Variants in FAM81A observed in about 807,000 individuals in gnomAD.
FAM81A encodes the protein family with sequence similarity 81 member A, also known as protein FAM81A.
Under a neutral mutation model 46.7 loss-of-function variants are expected in FAM81A, and 19 were observed. The observed-to-expected ratio is 0.41, with a 90% CI of 0.28 to 0.60. The LOEUF (loss-of-function observed/expected upper bound fraction) is 0.60, where lower values mean the gene tolerates loss of function less well. Among genes scored for constraint, FAM81A ranks in the 20% least tolerant of loss-of-function variants. The pLI, the probability that FAM81A is intolerant of heterozygous loss-of-function variation, is 0.34. For missense variants in FAM81A, 377 were observed against 453.5 expected, an observed-to-expected ratio of 0.83 and a Z score of 1.53; for synonymous variants, 183 against 152.9, an observed-to-expected ratio of 1.20 and a Z score of -1.45.
chr15:59,485,841 C>T (rs2081911245), intron 3 of FAM81A, among the ~76,000 whole-genome samples: 1 of 152,112 alleles, frequency 6.6e-6, no homozygotes, highest in South Asian at 2.1e-4. Flanking sequence ...CAAGATAACA[C>T]CGAGAAGGAA....
chr15:59,440,430 A>G (rs75203474), intron 1 of FAM81A, among the ~76,000 whole-genome samples: 1 of 152,132 alleles, frequency 6.6e-6, no homozygotes, highest in East Asian at 1.9e-4. Flanking sequence ...TTGATGCCCC[A>G]AAAAAGGGAT....
intron 1 of FAM81A, among the ~76,000 whole-genome samples, chr15:59,452,166 G>T (rs2141617364): frequency 6.6e-6 from 1 of 152,294 alleles, no homozygotes; most frequent in Admixed American, 6.5e-5. Flanking sequence ...CTTGAATTTT[G>T]CAGTGTTCCC....
intron 1 of FAM81A, chr15:59,444,427 G>A (rs536004671): frequency 5.3e-4 from 80 of 152,246 alleles, no homozygotes; most frequent in African/African-American, 1.9e-3. Context: ...AACGTCGTGT[G>A]TATGTGTCAA....
chr15:59,430,249 T>G (rs1323871323), intron 2 of FAM81A, among the ~76,000 whole-genome samples: 1 of 143,966 alleles, frequency 6.9e-6, no homozygotes, highest in African/African-American at 2.5e-5. Flanking sequence ...CACAGACCTA[T>G]TTCCCTTTTT....
At chr15:59,422,813 A>G (rs1190961319) in intron 2 of FAM81A, among the ~76,000 whole-genome samples, 1 of 152,234 alleles carries the variant, frequency 6.6e-6, no homozygotes, top group Non-Finnish European at 1.5e-5. Context: ...ACATAGTTAA[A>G]TGAAATCTGC....
chr15:59,496,613 A>G (rs1454377305), intron 4 of FAM81A, among the ~76,000 whole-genome samples: 5 of 152,114 alleles, frequency 3.3e-5, no homozygotes, highest in African/African-American at 1.2e-4. Context: ...TCAAAAAAAA[A>G]AGAAAGAAAA....
chr15:59,511,610 C>G (rs1007975136), intron 6 of FAM81A, among the ~76,000 whole-genome samples: 8 of 152,062 alleles, frequency 5.3e-5, no homozygotes, highest in Non-Finnish European at 1.0e-4. Flanking sequence ...AAATGTGAAC[C>G]AGGAGCTATG....
intron 1 of FAM81A, among the ~76,000 whole-genome samples, chr15:59,449,781 CAAAAAAAAAAAA>C (rs71119473): frequency 5.7e-5 from 4 of 70,314 alleles, no homozygotes; most frequent in Admixed American, 1.7e-4. Context: ...GACTCTGTCT[CAAAAAAAAAAAA>C]AAAAAAAAAA....
intron 6 of FAM81A, among the ~76,000 whole-genome samples, chr15:59,510,513 G>GCTGATTT (rs2082195250): frequency 6.6e-6 from 1 of 151,642 alleles, no homozygotes; most frequent in Non-Finnish European, 1.5e-5. Flanking sequence ...TTAGACCAAT[G>GCTGATTT]CTGATTTCTC....
At chr15:59,409,441 TG>T (rs2081111011) in intron 2 of FAM81A, among the ~76,000 whole-genome samples, 1 of 151,978 alleles carries the variant, frequency 6.6e-6, no homozygotes, top group African/African-American at 2.4e-5. Context: ...CATGACCATG[TG>T]GTTCATTCCA....
chr15:59,454,837 T>G (rs1401711568), intron 1 of FAM81A, among the ~76,000 whole-genome samples: 1 of 151,886 alleles, frequency 6.6e-6, no homozygotes, highest in Non-Finnish European at 1.5e-5. Context: ...GGGTTTTGCT[T>G]TGTTGCCCAG....
upstream of FAM81A, among the ~76,000 whole-genome samples, chr15:59,435,836 C>T (rs1169087060): frequency 6.6e-6 from 1 of 152,174 alleles, no homozygotes; most frequent in Admixed American, 6.5e-5. Context: ...TCTCCATCTC[C>T]TGTAATGAGT....
intron 3 of FAM81A, among the ~76,000 whole-genome samples, chr15:59,475,731 A>G (rs938903114): frequency 6.6e-6 from 1 of 152,202 alleles, no homozygotes; most frequent in East Asian, 1.9e-4. Context: ...ACTATATATA[A>G]TGACAAAGTA....
chr15:59,451,578 G>A (rs927392607), intron 1 of FAM81A, among the ~76,000 whole-genome samples: 3 of 151,916 alleles, frequency 2.0e-5, no homozygotes, highest in Non-Finnish European at 2.9e-5. Flanking sequence ...TGAGCCTTCC[G>A]AGTAGCTGCG....
Position 59,415,781 on chromosome 15 carries a change from G to A in FAM81A, c.-78+13423G>A, listed in dbSNP as rs533409452. The stretch of plus-strand genomic sequence containing the variant: ...CAGCAAAAAGAATAATACAGAGGCT[G>A]AGAGGAGTTAGCTGCTCTTGAGTGA... On this transcript the variant is annotated intron_variant, in intron 2 of 4. Transcript: ENST00000558348. Among the ~76,000 whole-genome samples, 93 of 152,312 alleles carry A rather than the reference G, an allele frequency of 6.1e-4. 4 individuals are homozygous for A. In the South Asian group the frequency reaches 0.019, roughly 31 times the overall value.
At chr15:59,511,154 A>G (rs778453455) in intron 6 of FAM81A, among the ~76,000 whole-genome samples, 1 of 152,180 alleles carries the variant, frequency 6.6e-6, no homozygotes, top group Non-Finnish European at 1.5e-5. Context: ...TCCAAAATAT[A>G]AGAAGAAAGG....
chr15:59,509,769 T>C (rs1446569241), intron 6 of FAM81A, among the ~76,000 whole-genome samples: 2 of 151,914 alleles, frequency 1.3e-5, no homozygotes, highest in Admixed American at 1.3e-4. Context: ...TATATGAGGT[T>C]GAATAGCCTG....
rs139207453 is a variant in FAM81A, at chr15:59,430,405, C to T, written c.-78+28047C>T. On this transcript the variant is annotated intron_variant, in intron 2 of 4. Transcript: ENST00000558348. ...TCAGCCTCCTGTGTAGCTGGGATTACAGGCATATGCCACCATGCCCGGCTA... is the reference window on the plus strand; with the variant it reads ...TCAGCCTCCTGTGTAGCTGGGATTATAGGCATATGCCACCATGCCCGGCTA... Among the ~76,000 whole-genome samples, 320 of 152,142 alleles carry T rather than the reference C, an allele frequency of 2.1e-3. 1 individual carries two copies. The highest frequency in any genetic ancestry group is 7.4e-3 in the African/African-American group (307 of 41,488).
chr15:59,419,401 A>G lies in FAM81A; in HGVS notation c.-78+17043A>G, dbSNP rs369884376. On this transcript the variant is annotated intron_variant, in intron 2 of 4. Coordinates refer to the FAM81A transcript ENST00000558348. ...AGAAACTTCCCCTAATCTCTCTTCT[A>G]TGTATGAAATTGCAACACGTTCATC... Among the ~76,000 whole-genome samples the G allele has an allele frequency of 6.6e-5, 10 of 152,242 alleles. No homozygotes were observed. In the East Asian group the frequency reaches 1.7e-3, roughly 26 times the overall value.
Sources: gnomAD v4.1 joint callset for allele counts (sites outside exome capture counted in the v4.1 genomes callset) on GRCh38, gnomAD v4.1.1 for gene constraint, MANE v1.5 for transcripts, NCBI Gene and HGNC (gene_info 2026-07-23, HGNC 2026-07-21) for gene names.